The following PLS1 variants were observed in gnomAD, a reference collection of about 807,000 sequenced individuals.
The protein encoded by PLS1 is plastin 1.
In PLS1, 32 loss-of-function variants were observed where a neutral mutation model predicts 73.7. The observed-to-expected ratio is 0.43, with a 90% confidence interval of 0.33 to 0.58. The LOEUF is 0.58. Among genes scored for constraint, PLS1 ranks in the 20% least tolerant of loss-of-function variants. The probability of loss-of-function intolerance (pLI) is 0.04; values close to 1 mark genes in which losing one functional copy is unlikely to be tolerated. For synonymous variants in PLS1, 217 were observed against 261.3 expected (o/e 0.83, Z 1.63); for missense variants, 633 against 740.5 (o/e 0.85, Z 1.68).
rs915718762 is a variant in PLS1, at chr3:142,694,021, A to G, written c.1178-448A>G. On this transcript the variant is annotated intron_variant, in intron 10 of 15. Transcript: ENST00000457734. ...TGTGTGCTGAGAAACTTTCCTATGT[A>G]AAACCATAATTTGTACAAATTTAGA... Among the ~76,000 whole-genome samples, 5 of 152,190 alleles carry G rather than the reference A, an allele frequency of 3.3e-5. No individual in the cohort carries two copies. The East Asian group carries it at 9.6e-4, about 29-fold the overall frequency.
intron 1 of PLS1, among the ~76,000 whole-genome samples, chr3:142,634,349 G>T (rs1422415553): frequency 6.6e-6 from 1 of 152,076 alleles, no homozygotes; most frequent in Non-Finnish European, 1.5e-5. Flanking sequence ...AAAGCTATAT[G>T]AGGAAAACTA....
At chr3:142,614,952 G>A (rs1212280320) in intron 1 of PLS1, among the ~76,000 whole-genome samples, 2 of 152,160 alleles carry the variant, frequency 1.3e-5, no homozygotes, top group Non-Finnish European at 2.9e-5. Context: ...GGCAAGCCTG[G>A]CTATACTACG....
At chr3:142,710,330 G>A (rs28505293) in intron 14 of PLS1, among the ~76,000 whole-genome samples, 4,277 of 152,090 alleles carry the variant, frequency 0.028, 214 homozygotes, top group African/African-American at 0.098. Flanking sequence ...CCATAACATA[G>A]GCCCAAATTA....
chr3:142,659,601 A>C (rs139911714), intron 1 of PLS1, among the ~76,000 whole-genome samples: 20 of 152,110 alleles, frequency 1.3e-4, no homozygotes, highest in African/African-American at 4.8e-4. Context: ...AATGAAGAGT[A>C]AGCCTCTTCC....
rs79551266 is a variant in PLS1, at chr3:142,708,447, C to T, written c.1630-3054C>T. On this transcript the variant is annotated intron_variant, in intron 14 of 15. Transcript: ENST00000457734. ...ACTTTTAGTAGAGATGGGGTTTCAC[C>T]GTGTTAGCCAGGATGGTCTCAATCT... is the stretch of plus-strand genomic sequence containing the variant. Among the ~76,000 whole-genome samples, 35 of 152,246 alleles carry T rather than the reference C, an allele frequency of 2.3e-4. No individual in the cohort carries two copies. The East Asian group carries it at 3.7e-3, about 16-fold the overall frequency.
Position 142,711,886 on chromosome 3 carries a change from T to C in PLS1, c.1769T>C (p.Val590Ala), listed in dbSNP as rs1933145988. Residue 590 changes from valine (V) to alanine (A), a missense_variant, in exon 16 of 16, where the codon GTT (valine) becomes GCT (alanine). Physicochemically the swap from Val to Ala is moderately conservative, Grantham distance 64. Coordinates refer to ENST00000457734, the MANE Select transcript of PLS1 (RefSeq NM_001145319.2). Reference protein sequence around the residue: ...KLNNAKYAISVARKIGARIYA... With the variant: ...KLNNAKYAISAARKIGARIYA... ...GTCTCTTCAAGATACGCCATTTCAG[T>C]TGCTCGAAAGATCGGTGCCCGGATA... 6.2e-7 allele frequency: 1 copy of C among 1,613,680 alleles called. No individual in the cohort carries two copies. Among genetic ancestry groups the C allele is most frequent in the Admixed American group, 1.7e-5 (1 of 60,006 alleles).
At chr3:142,667,947 G>A (rs2037513638) in intron 2 of PLS1, among the ~76,000 whole-genome samples, 2 of 152,108 alleles carry the variant, frequency 1.3e-5, no homozygotes, top group African/African-American at 4.8e-5. Context: ...GGTTATTGGT[G>A]GTTCTAGTTT....
chr3:142,681,215 A>C (rs1032310913), intron 6 of PLS1, among the ~76,000 whole-genome samples: 2 of 152,260 alleles, frequency 1.3e-5, no homozygotes, highest in East Asian at 3.9e-4. Flanking sequence ...TAAATATTAA[A>C]GTAAAACCAA....
intron 1 of PLS1, among the ~76,000 whole-genome samples, chr3:142,597,735 C>T (rs765807062): frequency 2.0e-5 from 3 of 152,162 alleles, no homozygotes; most frequent in Non-Finnish European, 4.4e-5. Context: ...CAAAGCTAGG[C>T]CTGGGATCCA....
At chr3:142,600,916 A>ATATAT (rs1560024585) in intron 1 of PLS1, among the ~76,000 whole-genome samples, 3 of 14,838 alleles carry the variant, frequency 2.0e-4, no homozygotes, top group Admixed American at 1.4e-3. Context: ...ATATATATAT[A>ATATAT]TTTTTTTTTT....
At chr3:142,675,990 CT>C (rs1200936415) in intron 4 of PLS1, among the ~76,000 whole-genome samples, 166 bp from the exon 5 acceptor site, 2 of 152,144 alleles carry the variant, frequency 1.3e-5, no homozygotes, top group African/African-American at 4.8e-5. Flanking sequence ...CACCTTTCTT[CT>C]TTTCTTGAAC....
intron 6 of PLS1, among the ~76,000 whole-genome samples, chr3:142,681,963 C>T (rs898572708): frequency 7.9e-5 from 12 of 152,106 alleles, no homozygotes; most frequent in African/African-American, 2.7e-4. Flanking sequence ...ACATCAAAAG[C>T]GGTTTTTCTC....
intron 1 of PLS1, among the ~76,000 whole-genome samples, chr3:142,621,016 C>T (rs2036304959): frequency 6.6e-6 from 1 of 151,906 alleles, no homozygotes; most frequent in African/African-American, 2.4e-5. Context: ...GAGACTCTGT[C>T]TCAAAAAAAT....
chr3:142,649,733 AG>A (rs113803356), intron 1 of PLS1, among the ~76,000 whole-genome samples: 6,423 of 152,232 alleles, frequency 0.042, 435 homozygotes, highest in African/African-American at 0.15. Flanking sequence ...AGAGACCCTT[AG>A]GCTATGAATA....
At chr3:142,672,339 CTTTT>C (rs58039666) in intron 4 of PLS1, among the ~76,000 whole-genome samples, 1 of 118,398 alleles carries the variant, frequency 8.4e-6, no homozygotes. Flanking sequence ...ATGAAGTGTA[CTTTT>C]TTTTTTTTTT....
intron 1 of PLS1, among the ~76,000 whole-genome samples, chr3:142,661,986 C>A (rs535051731): frequency 3.9e-5 from 6 of 152,086 alleles, no homozygotes; most frequent in African/African-American, 1.4e-4. Context: ...TTAGTTCAAC[C>A]GTTGTGGAAG....
At chr3:142,638,922 G>A (rs1029068924) in intron 1 of PLS1, among the ~76,000 whole-genome samples, 2 of 151,980 alleles carry the variant, frequency 1.3e-5, no homozygotes, top group Non-Finnish European at 2.9e-5. Context: ...TGTATTTTTA[G>A]TAGAGACGGA....
intron 1 of PLS1, among the ~76,000 whole-genome samples, chr3:142,636,662 T>C (rs750211768): frequency 1.3e-5 from 2 of 152,180 alleles, no homozygotes; most frequent in Admixed American, 6.5e-5. Context: ...GGAGAAAACA[T>C]TTGCAAAGTA....
At chr3:142,704,328 C>A in intron 13 of PLS1, 135 bp from the exon 14 acceptor site, 2 of 708,648 alleles carry the variant, frequency 2.8e-6, no homozygotes, top group South Asian at 2.2e-5. Context: ...TAACTGGGTG[C>A]AAATGCCAGA....
Sources: gnomAD v4.1 joint callset for allele counts (sites outside exome capture counted in the v4.1 genomes callset) on GRCh38, gnomAD v4.1.1 for gene constraint, MANE v1.5 for transcripts, NCBI Gene and HGNC (gene_info 2026-07-23, HGNC 2026-07-21) for gene names.